Variants in UBE2E3 observed in about 807,000 individuals in gnomAD.
UBE2E3 encodes ubiquitin conjugating enzyme E2 E3, also known as ubiquitin-conjugating enzyme E2 E3.
UBE2E3 carries 5 observed loss-of-function variants against 23.6 expected under a neutral mutation model. That is an observed-to-expected ratio of 0.21 (90% CI 0.11 to 0.44). The LOEUF is 0.44. Among genes scored for constraint, UBE2E3 ranks in the 20% least tolerant of loss-of-function variants. UBE2E3 has a pLI of 0.99. For synonymous variants in UBE2E3, 78 were observed against 87.5 expected (o/e 0.89, Z 0.60); for missense variants, 81 against 249.8 (o/e 0.32, Z 4.55).
chr2:181,053,245 C>CATATATATA (rs1686895681), intron 3 of UBE2E3, among the ~76,000 whole-genome samples: 1 of 151,730 alleles, frequency 6.6e-6, no homozygotes, highest in African/African-American at 2.4e-5. Context: ...TTTAAAATGT[C>CATATATATA]TAACCATATA....
intron 2 of UBE2E3, among the ~76,000 whole-genome samples, chr2:180,983,296 C>T (rs1009642443): frequency 6.6e-6 from 1 of 152,182 alleles, no homozygotes; most frequent in African/African-American, 2.4e-5. Context: ...TGAATGGCAG[C>T]AGTCTTTGAC....
At chr2:181,058,787 T>TA (rs1687054100) in intron 4 of UBE2E3, among the ~76,000 whole-genome samples, 1 of 151,956 alleles carries the variant, frequency 6.6e-6, no homozygotes, top group East Asian at 1.9e-4. Context: ...TATTTCTCAG[T>TA]AACTTATTGT....
At chr2:181,021,159 G>A (rs1420921916) in intron 3 of UBE2E3, among the ~76,000 whole-genome samples, 1 of 152,148 alleles carries the variant, frequency 6.6e-6, no homozygotes, top group Non-Finnish European at 1.5e-5. Flanking sequence ...ATATAGTAAT[G>A]TAGTTGCGAC....
At chr2:181,012,262 G>C (rs895507766) in intron 3 of UBE2E3, among the ~76,000 whole-genome samples, 2 of 152,130 alleles carry the variant, frequency 1.3e-5, no homozygotes, top group African/African-American at 4.8e-5. Flanking sequence ...ACATGTACTA[G>C]TATATACTGT....
At chr2:181,034,569 C>G (rs945865529) in intron 3 of UBE2E3, among the ~76,000 whole-genome samples, 1 of 152,088 alleles carries the variant, frequency 6.6e-6, no homozygotes, top group African/African-American at 2.4e-5. Flanking sequence ...GGAGATACAC[C>G]TAATGTAAAT....
chr2:180,989,943 CT>C, intron 3 of UBE2E3: 1 of 1,548,796 alleles, frequency 6.5e-7, no homozygotes, highest in Non-Finnish European at 8.7e-7. Flanking sequence ...AGAACTTGTC[CT>C]TTCAGTCTCT....
At chr2:181,004,798 T>C (rs919361101) in intron 3 of UBE2E3, among the ~76,000 whole-genome samples, 5 of 152,226 alleles carry the variant, frequency 3.3e-5, no homozygotes, top group Non-Finnish European at 7.3e-5. Context: ...AAAAGTAATA[T>C]ATATATACGT....
At chr2:181,060,573 A>C in intron 4 of UBE2E3, 92 bp from the exon 5 acceptor site, 13 of 1,184,534 alleles carry the variant, frequency 1.1e-5, no homozygotes, top group Non-Finnish European at 1.5e-5. Context: ...ATTTAGTATC[A>C]TCTATGATAT....
chr2:180,993,176 G>C (rs974880320), intron 3 of UBE2E3, among the ~76,000 whole-genome samples: 1 of 152,190 alleles, frequency 6.6e-6, no homozygotes, highest in African/African-American at 2.4e-5. Context: ...CCGTCGGTAG[G>C]TGGTGATAAA....
At chr2:181,047,685 C>G (rs1686712513) in intron 3 of UBE2E3, among the ~76,000 whole-genome samples, 1 of 152,036 alleles carries the variant, frequency 6.6e-6, no homozygotes, top group African/African-American at 2.4e-5. Context: ...TTCTTTGTCT[C>G]TGGTACCATA....
At chr2:181,037,648 C>A (rs1686340399) in intron 3 of UBE2E3, among the ~76,000 whole-genome samples, 1 of 152,074 alleles carries the variant, frequency 6.6e-6, no homozygotes, top group Non-Finnish European at 1.5e-5. Context: ...ACAGAAGAAT[C>A]AGAAAGTTAA....
At chr2:181,061,452 G>A (rs1265815828) in intron 5 of UBE2E3, among the ~76,000 whole-genome samples, 2 of 151,462 alleles carry the variant, frequency 1.3e-5, no homozygotes, top group East Asian at 1.9e-4. Context: ...AAAGCAATGT[G>A]TCTGAAACCA....
At chr2:181,061,723 A>C (rs1687158011) in intron 5 of UBE2E3, among the ~76,000 whole-genome samples, 1 of 151,446 alleles carries the variant, frequency 6.6e-6, no homozygotes, top group African/African-American at 2.4e-5. Flanking sequence ...AGCTGACTTG[A>C]TAAAGTGATG....
intron 3 of UBE2E3, among the ~76,000 whole-genome samples, chr2:181,015,064 G>A (rs1007461768): frequency 1.3e-5 from 2 of 152,076 alleles, no homozygotes; most frequent in Non-Finnish European, 2.9e-5. Context: ...AAAGAAAAAC[G>A]AAGTACAGAG....
chr2:181,029,659 CTTTTTT>C (rs61149975), intron 3 of UBE2E3, among the ~76,000 whole-genome samples: 3 of 116,846 alleles, frequency 2.6e-5, no homozygotes, highest in Admixed American at 8.8e-5. Context: ...TGTAGACAAT[CTTTTTT>C]TTTTTTTTTT....
chr2:181,058,089 A>T (rs773249256), intron 4 of UBE2E3, among the ~76,000 whole-genome samples: 1 of 151,764 alleles, frequency 6.6e-6, no homozygotes, highest in African/African-American at 2.4e-5. Context: ...TTTTATGCTT[A>T]TGAGGGAGAA....
intron 2 of UBE2E3, 110 bp from the exon 3 acceptor site, chr2:180,983,933 G>A: frequency 1.3e-6 from 1 of 774,270 alleles, no homozygotes; most frequent in Non-Finnish European, 2.0e-6. Context: ...CATTACTGAA[G>A]GCAGAGCCAG....
intron 3 of UBE2E3, among the ~76,000 whole-genome samples, chr2:181,037,386 A>C (rs539472440): frequency 4.6e-5 from 7 of 152,258 alleles, no homozygotes; most frequent in Non-Finnish European, 1.5e-5. Context: ...TGACAGCTCT[A>C]TGTGTATGTT....
At position 180,982,014 on chromosome 2, in the gene UBE2E3, A is replaced by C; in HGVS notation, c.-25-4A>C. Reference sequence around the variant, plus strand: ...TCCTCCTCCTCCCCTGTTCTCTTTAAAAGTTTTCCAAGAGATAACTTCACC... The same window carrying C: ...TCCTCCTCCTCCCCTGTTCTCTTTACAAGTTTTCCAAGAGATAACTTCACC... On this transcript the variant is annotated splice_region_variant and splice_polypyrimidine_tract_variant and intron_variant, in intron 1 of 5. Transcript: ENST00000410062. 6.3e-7 allele frequency: 1 copy of C among 1,588,678 alleles called. No individual in the cohort carries two copies. Among genetic ancestry groups the C allele is most frequent in the Non-Finnish European group, 8.5e-7 (1 of 1,169,968 alleles).
Sources: allele counts gnomAD v4.1 joint callset (sites outside exome capture counted in the v4.1 genomes callset), GRCh38; gene constraint gnomAD v4.1.1; transcripts MANE v1.5; gene names NCBI Gene and HGNC (gene_info 2026-07-23, HGNC 2026-07-21).